Variants in GRK4 observed in about 807,000 individuals in gnomAD.
The protein encoded by GRK4 is G protein-coupled receptor kinase 2-like.
A neutral mutation model predicts 77.9 loss-of-function variants in GRK4; 73 were observed. That is an observed-to-expected ratio of 0.94 (90% confidence interval 0.78 to 1.14). The LOEUF (loss-of-function observed/expected upper bound fraction) is 1.14, where lower values mean the gene tolerates loss of function less well. Among genes scored for constraint, GRK4 ranks in the 50% most tolerant of loss-of-function variants. The pLI, the probability that GRK4 is intolerant of heterozygous loss-of-function variation, is 0.00. For synonymous variants in GRK4, 257 were observed against 254.4 expected, an observed-to-expected ratio of 1.01 and a Z score of -0.10; for missense variants, 729 against 700.2, an observed-to-expected ratio of 1.04 and a Z score of -0.46.
intron 4 of GRK4, among the ~76,000 whole-genome samples, chr4:3,002,829 A>T (rs1048125003): frequency 6.6e-6 from 1 of 152,216 alleles, no homozygotes; most frequent in African/African-American, 2.4e-5. Flanking sequence ...TCTCCAAAAA[A>T]ACCACAAAAC....
chr4:2,963,619 C>A lies in GRK4; in HGVS notation c.-452C>A, dbSNP rs920226376. 3 of 405,344 alleles carry A rather than the reference C, an allele frequency of 7.4e-6. No individual in the cohort carries two copies. The highest frequency in any genetic ancestry group is 8.7e-6 in the Non-Finnish European group (2 of 229,274). The allele number at this position is 405,344 out of a possible 1,614,324, so 25.1% of individuals were successfully genotyped here. ...AGGGGCGCTCCCTCTTCAGCTAAGC[C>A]GTTAGCGCCGAGCCCGCCCGGGAGC... is the stretch of plus-strand genomic sequence containing the variant. On this transcript the variant is annotated 5_prime_UTR_variant, in exon 1 of 16. Transcript: ENST00000398052.
intron 12 of GRK4, among the ~76,000 whole-genome samples, chr4:3,030,472 T>G (rs1479743134): frequency 6.6e-6 from 1 of 152,190 alleles, no homozygotes; most frequent in Non-Finnish European, 1.5e-5. Flanking sequence ...GCATCTTGTA[T>G]GTTCCAGGCA....
At chr4:3,015,261 A>G (rs929831639) in intron 8 of GRK4, among the ~76,000 whole-genome samples, 1 of 152,200 alleles carries the variant, frequency 6.6e-6, no homozygotes, top group Non-Finnish European at 1.5e-5. Context: ...GTGAACGAGA[A>G]TTTATAAAAT....
intron 1 of GRK4, among the ~76,000 whole-genome samples, chr4:2,978,138 C>A (rs1721753198): frequency 6.6e-6 from 1 of 152,082 alleles, no homozygotes; most frequent in Non-Finnish European, 1.5e-5. Flanking sequence ...AAGTCAGTTG[C>A]TGTATTAATC....
Position 3,007,717 on chromosome 4 carries a change from T to A in GRK4, c.444-19T>A. On this transcript the variant is annotated intron_variant, in intron 5 of 15. Coordinates refer to ENST00000398052, the MANE Select transcript of GRK4 (RefSeq NM_182982.3). ...CTTAATACAACAAATGTATATAATT[T>A]TAAAAAATCTTTTTCTAGAGTTGCC... is the stretch of plus-strand genomic sequence containing the variant. 1 of 1,498,916 alleles carries A rather than the reference T, an allele frequency of 6.7e-7. No homozygotes were observed. Among genetic ancestry groups the A allele is most frequent in the Non-Finnish European group, 9.1e-7 (1 of 1,092,942 alleles). 92.9% of individuals were successfully genotyped at this position (1,498,916 alleles called of 1,614,324 possible).
intron 1 of GRK4, among the ~76,000 whole-genome samples, chr4:2,979,394 ACT>A (rs1315770018): frequency 8.7e-6 from 1 of 115,552 alleles, no homozygotes; most frequent in African/African-American, 3.6e-5. Flanking sequence ...ACAGAGGGAG[ACT>A]CTGTCTCAAA....
chr4:3,036,369 C>T (rs982037211), intron 13 of GRK4, among the ~76,000 whole-genome samples: 1 of 152,262 alleles, frequency 6.6e-6, no homozygotes, highest in African/African-American at 2.4e-5. Context: ...CCACTTCCGC[C>T]TCCCCACCTT....
intron 7 of GRK4, among the ~76,000 whole-genome samples, chr4:3,010,990 A>C (rs919665634): frequency 2.0e-5 from 3 of 152,136 alleles, no homozygotes; most frequent in Non-Finnish European, 4.4e-5. Context: ...GCCTAATCCA[A>C]TCGTATGCTT....
At chr4:3,017,911 G>A (rs1031101174) in intron 8 of GRK4, among the ~76,000 whole-genome samples, 1 of 152,028 alleles carries the variant, frequency 6.6e-6, no homozygotes, top group African/African-American at 2.4e-5. Flanking sequence ...CGTGAGATCT[G>A]GAATGAGGCT....
intron 1 of GRK4, among the ~76,000 whole-genome samples, chr4:2,964,982 GT>G (rs1717074710): frequency 6.6e-6 from 1 of 152,078 alleles, no homozygotes; most frequent in Non-Finnish European, 1.5e-5. Context: ...TGTTTAGCCA[GT>G]TCTTGGTTTT....
chr4:2,988,459 G>C (rs1413313056), intron 2 of GRK4, among the ~76,000 whole-genome samples: 2 of 151,912 alleles, frequency 1.3e-5, no homozygotes, highest in Admixed American at 6.6e-5. Flanking sequence ...CTAGATATTA[G>C]ATGCTTAACA....
chr4:2,970,918 C>T (rs1391617959), intron 1 of GRK4: 1 of 151,986 alleles, frequency 6.6e-6, no homozygotes, highest in African/African-American at 2.4e-5. Context: ...GATCTGCCCG[C>T]CTCGGCCTCC....
chr4:2,997,780 C>G (rs375337525), intron 4 of GRK4, among the ~76,000 whole-genome samples: 4 of 151,718 alleles, frequency 2.6e-5, no homozygotes, highest in Non-Finnish European at 4.4e-5. Context: ...TGGTGGTGCA[C>G]GCCTATAGTC....
At position 3,038,331 on chromosome 4, in the gene GRK4, G is replaced by A. The variant is rs760839640; in HGVS notation, c.1546-45G>A. On this transcript the variant is annotated intron_variant, in intron 14 of 15. Transcript: ENST00000398052. ...GCACTGGGAGACACCCACTGACCTG[G>A]CAGTTTCTCTGCGGCTTCTCTGTCC... 9 of 1,610,746 alleles carry A rather than the reference G, an allele frequency of 5.6e-6. No individual in the cohort carries two copies. In the African/African-American group the frequency reaches 1.1e-4, roughly 19 times the overall value.
At chr4:3,004,584 C>T (rs1377966379) in intron 5 of GRK4, among the ~76,000 whole-genome samples, 1 of 152,138 alleles carries the variant, frequency 6.6e-6, no homozygotes, top group African/African-American at 2.4e-5. Flanking sequence ...ATAACATAAA[C>T]AGCAGATGAA....
chr4:3,029,896 G>A (rs1305185759), intron 12 of GRK4, among the ~76,000 whole-genome samples: 1 of 152,216 alleles, frequency 6.6e-6, no homozygotes, highest in African/African-American at 2.4e-5. Flanking sequence ...ATCTGGAAAT[G>A]ACTTAATTGG....
At chr4:3,040,532 G>T (rs763601033) in intron 15 of GRK4, 40 bp from the exon 16 acceptor site, 13 of 1,572,908 alleles carry the variant, frequency 8.3e-6, no homozygotes, top group East Asian at 4.5e-5. Context: ...TGAAACCTTC[G>T]CATCAGCCGT....
At chr4:2,985,271 G>C (rs1164171697) in intron 2 of GRK4, among the ~76,000 whole-genome samples, 1 of 151,912 alleles carries the variant, frequency 6.6e-6, no homozygotes, top group Non-Finnish European at 1.5e-5. Context: ...TGCGGTGACG[G>C]GTGTGTGTAA....
intron 8 of GRK4, 45 bp from the exon 9 acceptor site, chr4:3,019,596 A>C (rs371878306): frequency 1.0e-4 from 154 of 1,479,130 alleles, no homozygotes; most frequent in Non-Finnish European, 1.4e-4. Flanking sequence ...ATCACCAATG[A>C]AAGAGCAAGT....
Sources: allele counts gnomAD v4.1 joint callset (sites outside exome capture counted in the v4.1 genomes callset), GRCh38; gene constraint gnomAD v4.1.1; transcripts MANE v1.5; gene names NCBI Gene and HGNC (gene_info 2026-07-23, HGNC 2026-07-21).